The following XYLT1 variants were observed in gnomAD, a reference collection of about 807,000 sequenced individuals.
The protein encoded by XYLT1 is xylosyltransferase 1, also known as beta-D-xylosyltransferase 1.
In XYLT1, 36 loss-of-function variants were observed where a neutral mutation model predicts 91.3. The ratio of observed to expected loss-of-function variants is 0.39; its 90% confidence interval spans 0.30 to 0.52. The LOEUF (loss-of-function observed/expected upper bound fraction) is 0.52, where lower values mean the gene tolerates loss of function less well. Among genes scored for constraint, XYLT1 ranks in the 20% least tolerant of loss-of-function variants. The pLI is 0.68. For synonymous variants in XYLT1, 588 were observed against 532.0 expected (o/e 1.11, Z -1.45); for missense variants, 1,242 against 1,284.5 (o/e 0.97, Z 0.51).
intron 2 of XYLT1, among the ~76,000 whole-genome samples, chr16:17,298,046 C>T (rs903466333): frequency 2.0e-5 from 3 of 152,064 alleles, no homozygotes; most frequent in Admixed American, 6.6e-5. Flanking sequence ...TTATTCCTGC[C>T]GAGGGAGCCA....
intron 1 of XYLT1, among the ~76,000 whole-genome samples, chr16:17,396,570 T>G (rs1048074874): frequency 1.3e-5 from 2 of 152,096 alleles, no homozygotes; most frequent in African/African-American, 4.8e-5. Flanking sequence ...GTTAGGGTAG[T>G]ACATAAAAAA....
chr16:17,392,184 T>C (rs2035827741), intron 1 of XYLT1, among the ~76,000 whole-genome samples: 1 of 152,212 alleles, frequency 6.6e-6, no homozygotes, highest in Non-Finnish European at 1.5e-5. Context: ...TATAGGATCT[T>C]ACCCCTGCCT....
At chr16:17,463,320 T>C (rs1655061085) in intron 1 of XYLT1, among the ~76,000 whole-genome samples, 1 of 152,100 alleles carries the variant, frequency 6.6e-6, no homozygotes, top group Non-Finnish European at 1.5e-5. Flanking sequence ...AAACTACCCA[T>C]CTGACAAGGG....
At chr16:17,394,574 C>G (rs1261147325) in intron 1 of XYLT1, among the ~76,000 whole-genome samples, 1 of 152,200 alleles carries the variant, frequency 6.6e-6, no homozygotes, top group Non-Finnish European at 1.5e-5. Flanking sequence ...GCTTCCATGT[C>G]AGACCATGGA....
At chr16:17,462,771 G>C (rs1264916097) in intron 1 of XYLT1, among the ~76,000 whole-genome samples, 3 of 152,160 alleles carry the variant, frequency 2.0e-5, no homozygotes, top group African/African-American at 7.2e-5. Context: ...CTTGGTTAGA[G>C]AGAGCTGAAT....
chr16:17,256,544 G>A (rs1156975465), intron 3 of XYLT1, among the ~76,000 whole-genome samples: 2 of 151,878 alleles, frequency 1.3e-5, no homozygotes, highest in African/African-American at 4.8e-5. Context: ...CCAGTTACTC[G>A]GGAGGCTGAG....
chr16:17,248,548 CCT>C (rs1182889238), intron 3 of XYLT1, among the ~76,000 whole-genome samples: 1 of 152,008 alleles, frequency 6.6e-6, no homozygotes, highest in African/African-American at 2.4e-5. Context: ...GAAGAGCTCC[CCT>C]GTTGGTCTTG....
In XYLT1 at chr16:17,106,526, T is replaced by G. The variant is rs749577468; in HGVS notation, c.*2169A>C. ...CTGACGACCCTCCTCCTAAGATGGA[T>G]CTCTCTCAAAGGAGCCTGTTTCCCT... On this transcript the variant is annotated 3_prime_UTR_variant, in exon 12 of 12. Coordinates refer to ENST00000261381, the MANE Select transcript of XYLT1 (RefSeq NM_022166.4). 6.6e-6 allele frequency: 1 copy of G among 152,170 alleles called. No individual in the cohort carries two copies. Among genetic ancestry groups the G allele is most frequent in the Non-Finnish European group, 1.5e-5 (1 of 68,060 alleles). 9.4% of individuals were successfully genotyped at this position (152,170 alleles called of 1,614,324 possible). A position where few individuals can be genotyped will look rare whatever the true frequency, so the allele number is the denominator to read the frequency against.
intron 2 of XYLT1, among the ~76,000 whole-genome samples, chr16:17,270,665 A>C (rs2033875503): frequency 6.6e-6 from 1 of 152,236 alleles, no homozygotes; most frequent in African/African-American, 2.4e-5. Flanking sequence ...GCACGGAGCT[A>C]AGCCCGTGGC....
At chr16:17,317,669 G>A (rs2034657143) in intron 2 of XYLT1, among the ~76,000 whole-genome samples, 1 of 146,350 alleles carries the variant, frequency 6.8e-6, no homozygotes, top group African/African-American at 2.5e-5. Flanking sequence ...GGCATCAGGA[G>A]CTAGTATTTA....
chr16:17,220,962 C>T (rs1283280552), intron 3 of XYLT1, among the ~76,000 whole-genome samples: 1 of 152,168 alleles, frequency 6.6e-6, no homozygotes. Flanking sequence ...GATTGGCTTT[C>T]TGTTTTATCT....
chr16:17,348,054 T>C (rs1324016675), intron 2 of XYLT1, among the ~76,000 whole-genome samples: 2 of 151,992 alleles, frequency 1.3e-5, no homozygotes, highest in African/African-American at 4.8e-5. Context: ...TTCCTCTACT[T>C]GGCCAAAGCA....
intron 1 of XYLT1, among the ~76,000 whole-genome samples, chr16:17,404,935 C>T (rs1279010506): frequency 6.6e-6 from 1 of 152,210 alleles, no homozygotes; most frequent in Non-Finnish European, 1.5e-5. Flanking sequence ...TTGCACACCT[C>T]TGAGAGGTGC....
At chr16:17,297,882 G>A (rs1197218773) in intron 2 of XYLT1, among the ~76,000 whole-genome samples, 2 of 152,220 alleles carry the variant, frequency 1.3e-5, no homozygotes, top group Admixed American at 6.5e-5. Context: ...TTAGCCGGGC[G>A]TGGTGGTGTG....
intron 1 of XYLT1, among the ~76,000 whole-genome samples, chr16:17,465,143 CA>C (rs35623153): frequency 5.0e-3 from 179 of 35,866 alleles, no homozygotes; most frequent in Middle Eastern, 0.024. Context: ...GATGCTGTCT[CA>C]AAAAAAAAAA....
intron 2 of XYLT1, among the ~76,000 whole-genome samples, chr16:17,275,830 TC>T (rs1205865112): frequency 6.6e-6 from 1 of 152,220 alleles, no homozygotes; most frequent in Non-Finnish European, 1.5e-5. Context: ...TTCAAACTCA[TC>T]CTTTGCCTGT....
At chr16:17,220,849 A>T (rs142190458) in intron 3 of XYLT1, among the ~76,000 whole-genome samples, 20 of 152,250 alleles carry the variant, frequency 1.3e-4, no homozygotes, top group African/African-American at 4.8e-4. Context: ...TCCAACTATG[A>T]CTGAGATCTC....
At chr16:17,281,621 T>C (rs1353381775) in intron 2 of XYLT1, among the ~76,000 whole-genome samples, 2 of 152,296 alleles carry the variant, frequency 1.3e-5, no homozygotes, top group South Asian at 2.1e-4. Flanking sequence ...AGAGAGTCCT[T>C]TGTCTGTTGC....
chr16:17,190,446 C>G (rs974302584), intron 5 of XYLT1, among the ~76,000 whole-genome samples: 1 of 115,596 alleles, frequency 8.7e-6, no homozygotes, highest in African/African-American at 3.3e-5. Context: ...CCTCCCCCCT[C>G]CCCCCACCCC....
Sources: allele counts gnomAD v4.1 joint callset (sites outside exome capture counted in the v4.1 genomes callset), GRCh38; gene constraint gnomAD v4.1.1; transcripts MANE v1.5; gene names NCBI Gene and HGNC (gene_info 2026-07-23, HGNC 2026-07-21).